Variants in SEC22A observed in about 807,000 individuals in gnomAD.
SEC22A encodes SEC22 homolog A, vesicle trafficking protein.
In SEC22A, 22 loss-of-function variants were observed where a neutral mutation model predicts 35.3. The observed-to-expected ratio is 0.62, with a 90% CI of 0.45 to 0.89. The LOEUF is 0.89. Ranked by LOEUF, SEC22A falls within the 40% of genes least tolerant of loss-of-function variation. SEC22A has a pLI of 0.00. For synonymous variants in SEC22A, 119 were observed against 129.5 expected (o/e 0.92, Z 0.55); for missense variants, 354 against 362.5 (o/e 0.98, Z 0.19).
At chr3:123,232,938 G>T (rs1458632777) in intron 4 of SEC22A, among the ~76,000 whole-genome samples, 1 of 152,096 alleles carries the variant, frequency 6.6e-6, no homozygotes, top group East Asian at 1.9e-4. Flanking sequence ...TTTGAGACCA[G>T]CCTGGACAAC....
chr3:123,264,693 A>C (rs560256007), intron 6 of SEC22A, among the ~76,000 whole-genome samples: 6 of 149,108 alleles, frequency 4.0e-5, no homozygotes, highest in Admixed American at 1.3e-4. Flanking sequence ...CAGTGTCATG[A>C]TCTCGGCTCA....
At position 123,230,357 on chromosome 3, in the gene SEC22A, A is replaced by G. The variant is rs1937299313; in HGVS notation, c.541+5060A>G. Among the ~76,000 whole-genome samples, 3 of 152,228 alleles carry G rather than the reference A, an allele frequency of 2.0e-5. No individual in the cohort carries two copies. In the South Asian group the frequency reaches 6.2e-4, roughly 32 times the overall value. On this transcript the variant is annotated intron_variant, in intron 4 of 6. Coordinates refer to ENST00000492595, the MANE Select transcript of SEC22A (RefSeq NM_012430.5). ...AATTCAAATCAACAGGAACTAATGA[A>G]GGAAGCCAGAAAGATAAGATAAATA...
chr3:123,245,328 A>C (rs1180817317), intron 4 of SEC22A, among the ~76,000 whole-genome samples: 1 of 152,304 alleles, frequency 6.6e-6, no homozygotes, highest in East Asian at 1.9e-4. Context: ...GTTTTTTCTA[A>C]ATGATTTACT....
chr3:123,238,390 G>T (rs140574877), intron 4 of SEC22A, among the ~76,000 whole-genome samples: 1,904 of 152,082 alleles, frequency 0.013, 38 homozygotes, highest in African/African-American at 0.044. Flanking sequence ...TAGAGACAGG[G>T]TTTCACCATG....
At chr3:123,255,646 AATT>A (rs1937713765) in intron 5 of SEC22A, among the ~76,000 whole-genome samples, 1 of 152,150 alleles carries the variant, frequency 6.6e-6, no homozygotes, top group Admixed American at 6.5e-5. Context: ...TTACTTATGC[AATT>A]ATTCTTTTAA....
chr3:123,267,443 C>A (rs1482549230), intron 6 of SEC22A, among the ~76,000 whole-genome samples: 1 of 152,012 alleles, frequency 6.6e-6, no homozygotes, highest in Non-Finnish European at 1.5e-5. Flanking sequence ...ATGGTCTTCT[C>A]GTGTCAATAT....
intron 6 of SEC22A, among the ~76,000 whole-genome samples, chr3:123,260,810 A>G (rs761868522): frequency 1.4e-4 from 21 of 149,290 alleles, no homozygotes; most frequent in Non-Finnish European, 2.5e-4. Flanking sequence ...CAGTGGCCTC[A>G]TTTTTTAAAA....
At chr3:123,204,810 A>G (rs896824302) in intron 1 of SEC22A, 3 of 152,320 alleles carry the variant, frequency 2.0e-5, no homozygotes, top group African/African-American at 7.2e-5. Flanking sequence ...TCTCTGTATT[A>G]AAGGTGAGGA....
At chr3:123,210,074 T>C (rs1166283940) in intron 2 of SEC22A, among the ~76,000 whole-genome samples, 4 of 152,216 alleles carry the variant, frequency 2.6e-5, no homozygotes, top group Non-Finnish European at 5.9e-5. Flanking sequence ...GCAAGTTATG[T>C]AGTGAGTTTG....
At chr3:123,247,223 A>T (rs1937574352) in intron 5 of SEC22A, among the ~76,000 whole-genome samples, 1 of 152,124 alleles carries the variant, frequency 6.6e-6, no homozygotes, top group South Asian at 2.1e-4. Flanking sequence ...TACAAATAAG[A>T]TACTCTTTTT....
intron 4 of SEC22A, among the ~76,000 whole-genome samples, chr3:123,227,520 G>T (rs1371759060): frequency 6.6e-6 from 1 of 152,086 alleles, no homozygotes; most frequent in African/African-American, 2.4e-5. Flanking sequence ...ATGGGTTGAT[G>T]GATGTGGCAA....
intron 1 of SEC22A, 41 bp downstream of exon 1, chr3:123,202,027 G>A (rs530879275): frequency 1.3e-5 from 2 of 152,948 alleles, no homozygotes; most frequent in Non-Finnish European, 2.9e-5. Context: ...TCCTTTCTTA[G>A]GGGTCGTTCG....
chr3:123,236,683 A>G (rs1207378033), intron 4 of SEC22A, among the ~76,000 whole-genome samples: 2 of 152,218 alleles, frequency 1.3e-5, no homozygotes, highest in Non-Finnish European at 2.9e-5. Context: ...CTTTCTTGGA[A>G]GAAGATAGTG....
At position 123,273,566 on chromosome 3, in the gene SEC22A, G is replaced by C. The variant is rs1454413415; in HGVS notation, c.*1844G>C. ...TCAGGCCTGTAATCCCAGCACTTTG[G>C]GAGGCCGAGACAGGCAGATCACTTG... On this transcript the variant is annotated 3_prime_UTR_variant, in exon 7 of 7. Coordinates refer to ENST00000492595, the MANE Select transcript of SEC22A (RefSeq NM_012430.5). The C allele has an allele frequency of 4.6e-5, 7 of 152,232 alleles. No individual in the cohort carries two copies. The highest frequency in any genetic ancestry group is 4.6e-4 in the Admixed American group (7 of 15,282). The allele number at this position is 152,232 out of a possible 1,614,324, so 9.4% of individuals were successfully genotyped here.
intron 5 of SEC22A, among the ~76,000 whole-genome samples, chr3:123,258,105 G>A (rs1937782681): frequency 6.6e-6 from 1 of 151,970 alleles, no homozygotes; most frequent in Admixed American, 6.6e-5. Context: ...ATAAATTATG[G>A]TATATCCCCA....
chr3:123,249,310 A>C (rs370053587), intron 5 of SEC22A, among the ~76,000 whole-genome samples: 17 of 151,892 alleles, frequency 1.1e-4, no homozygotes, highest in South Asian at 4.2e-4. Context: ...ATTGATTATT[A>C]ATTCATTCTC....
chr3:123,242,940 TA>T (rs1378068723), intron 4 of SEC22A, among the ~76,000 whole-genome samples: 1 of 152,168 alleles, frequency 6.6e-6, no homozygotes, highest in Non-Finnish European at 1.5e-5. Context: ...ATTAATAGAT[TA>T]ATCTTCTTTA....
intron 6 of SEC22A, among the ~76,000 whole-genome samples, chr3:123,263,775 A>G (rs1278490042): frequency 6.6e-6 from 1 of 152,136 alleles, no homozygotes; most frequent in Non-Finnish European, 1.5e-5. Context: ...AAGTGCTGGG[A>G]TTACAGGCAT....
rs1277299778 is a variant in SEC22A, at chr3:123,273,990, A to C, written c.*2268A>C. 1 of 152,240 alleles carries C rather than the reference A, an allele frequency of 6.6e-6. No individual in the cohort carries two copies. The highest frequency in any genetic ancestry group is 1.5e-5 in the Non-Finnish European group (1 of 68,042). 9.4% of individuals were successfully genotyped at this position (152,240 alleles called of 1,614,324 possible). A position where few individuals can be genotyped will look rare whatever the true frequency, so the allele number is the denominator to read the frequency against. Reference sequence around the variant, plus strand: ...TGTTTGGTATTCGGATACATTCAGCAAGAACACTTGAAAACTCCTCACCAA... The same window carrying C: ...TGTTTGGTATTCGGATACATTCAGCCAGAACACTTGAAAACTCCTCACCAA... On this transcript the variant is annotated 3_prime_UTR_variant, in exon 7 of 7. Coordinates refer to ENST00000492595, the MANE Select transcript of SEC22A (RefSeq NM_012430.5).
Sources: allele counts gnomAD v4.1 joint callset (sites outside exome capture counted in the v4.1 genomes callset), GRCh38; gene constraint gnomAD v4.1.1; transcripts MANE v1.5; gene names NCBI Gene and HGNC (gene_info 2026-07-23, HGNC 2026-07-21).